SERINC3: variants seen among roughly 807,000 people sequenced by gnomAD.
The protein encoded by SERINC3 is serine incorporator 3.
In SERINC3, 22 loss-of-function variants were observed where a neutral mutation model predicts 52.1. The observed-to-expected ratio is 0.42, with a 90% CI of 0.30 to 0.60. SERINC3 has a LOEUF of 0.60. Ranked by LOEUF, SERINC3 falls within the 20% of genes least tolerant of loss-of-function variation. The pLI is 0.16. For synonymous variants in SERINC3, 226 were observed against 212.7 expected, an observed-to-expected ratio of 1.06 and a Z score of -0.54; for missense variants, 564 against 584.6, an observed-to-expected ratio of 0.96 and a Z score of 0.36.
At chr20:44,515,657 A>ATT (rs1323175146) in intron 1 of SERINC3, among the ~76,000 whole-genome samples, 14 of 142,882 alleles carry the variant, frequency 9.8e-5, no homozygotes, top group African/African-American at 3.1e-4. Flanking sequence ...ACGCTTTTTT[A>ATT]TTTTTTTTTT....
chr20:44,498,754 T>C lies in SERINC3; in HGVS notation c.*1542A>G, dbSNP rs749833207. On this transcript the variant is annotated 3_prime_UTR_variant, in exon 10 of 10. Transcript: ENST00000342374. Reference sequence around the variant, plus strand: ...CAGCCCAAGTGACTGAAGATAAAATTTGTTCATGACACTATGAATATGTTT... The same window carrying C: ...CAGCCCAAGTGACTGAAGATAAAATCTGTTCATGACACTATGAATATGTTT... 6 of 152,186 alleles carry C rather than the reference T, an allele frequency of 3.9e-5. No homozygotes were observed. The highest frequency in any genetic ancestry group is 8.8e-5 in the Non-Finnish European group (6 of 68,026). The allele number at this position is 152,186 out of a possible 1,614,324, so 9.4% of individuals were successfully genotyped here.
chr20:44,504,931 A>G (rs1423215534), intron 6 of SERINC3, 40 bp from the exon 7 acceptor site: 3 of 1,540,142 alleles, frequency 1.9e-6, no homozygotes, highest in Admixed American at 1.7e-5. Context: ...AGGGACTGCC[A>G]AGGGCTGACT....
intron 5 of SERINC3, among the ~76,000 whole-genome samples, chr20:44,507,447 C>T (rs1284996353): frequency 6.6e-6 from 1 of 152,210 alleles, no homozygotes; most frequent in Non-Finnish European, 1.5e-5. Flanking sequence ...TTTTCCTCTG[C>T]AGCCATTGGC....
chr20:44,504,071 C>A (rs2064296711), intron 7 of SERINC3, 76 bp from the exon 8 acceptor site: 1 of 1,222,408 alleles, frequency 8.2e-7, no homozygotes, highest in Non-Finnish European at 1.1e-6. Context: ...GAGTTCCCTA[C>A]ATATCATTCA....
intron 6 of SERINC3, among the ~76,000 whole-genome samples, chr20:44,506,350 T>C (rs998618447): frequency 2.7e-5 from 4 of 149,808 alleles, no homozygotes; most frequent in African/African-American, 2.5e-5. Flanking sequence ...TCCCAGCACC[T>C]TGGGAGGCCG....
Position 44,506,987 on chromosome 20 carries a change from GAC to G in SERINC3, c.621_622del (p.Ser208PhefsTer36), listed in dbSNP as rs1406072742. 7.5e-6 allele frequency: 12 copies of G among 1,598,406 alleles called. No homozygotes were observed. The Admixed American group carries it at 1.9e-4, about 26-fold the overall frequency. ...CAGGATATAAAAGGCGCTTGTGAAA[GAC>G]AGTAAAGCTGGAGAAAGGGAAACCA... On this transcript the variant is annotated frameshift_variant, in exon 6 of 10. Transcript: ENST00000342374. LOFTEE classifies it high-confidence loss of function.
chr20:44,502,580 CTCTT>C (rs2064286546), intron 8 of SERINC3, among the ~76,000 whole-genome samples: 1 of 133,084 alleles, frequency 7.5e-6, no homozygotes. Flanking sequence ...AACACTTCTT[CTCTT>C]CAAAAAAAAA....
At chr20:44,512,092 C>A (rs2064351087) in intron 3 of SERINC3, among the ~76,000 whole-genome samples, 1 of 152,122 alleles carries the variant, frequency 6.6e-6, no homozygotes, top group Admixed American at 6.6e-5. Context: ...GCGGGCGGAC[C>A]ACCTGAGGTC....
chr20:44,509,650 T>G (rs1166989628), intron 5 of SERINC3, among the ~76,000 whole-genome samples: 1 of 152,136 alleles, frequency 6.6e-6, no homozygotes, highest in Non-Finnish European at 1.5e-5. Flanking sequence ...TGCCTTAGCG[T>G]GCTGAGTAGC....
chr20:44,518,512 GA>G, intron 1 of SERINC3, among the ~76,000 whole-genome samples: 1 of 152,184 alleles, frequency 6.6e-6, no homozygotes, highest in Admixed American at 6.5e-5. Context: ...GCAGTTTTAA[GA>G]TCATGAAGAA....
intron 6 of SERINC3, among the ~76,000 whole-genome samples, chr20:44,506,349 C>T (rs202204833): frequency 6.7e-6 from 1 of 149,928 alleles, no homozygotes; most frequent in Non-Finnish European, 1.5e-5. Context: ...ATCCCAGCAC[C>T]TTGGGAGGCC....
rs1379045744 is a variant in SERINC3 at position 44,501,068 on chromosome 20, C to G, written c.1283+5G>C. ...TCTTCTGTCTGTTTTGTCTGTGTCT[C>G]CTACCTGTACCAGCTGGTCAGGGTC... On this transcript the variant is annotated splice_donor_5th_base_variant and intron_variant, in intron 9 of 9. Coordinates refer to ENST00000342374, the MANE Select transcript of SERINC3 (RefSeq NM_006811.4). 2 of 1,607,826 alleles carry G rather than the reference C, an allele frequency of 1.2e-6. No homozygotes were observed. Among genetic ancestry groups the G allele is most frequent in the Admixed American group, 3.3e-5 (2 of 60,004 alleles).
At chr20:44,505,730 A>G (rs1211577398) in intron 6 of SERINC3, among the ~76,000 whole-genome samples, 1 of 151,970 alleles carries the variant, frequency 6.6e-6, no homozygotes, top group Non-Finnish European at 1.5e-5. Flanking sequence ...CCTGCCAAGT[A>G]GCTGGGATTA....
chr20:44,518,156 C>T (rs755301854), intron 1 of SERINC3, among the ~76,000 whole-genome samples: 5 of 152,048 alleles, frequency 3.3e-5, no homozygotes, highest in South Asian at 2.1e-4. Flanking sequence ...ACAGCTGTAG[C>T]GACCCATTCA....
In SERINC3 at chr20:44,501,172, T is replaced by C; in HGVS notation, c.1184A>G (p.Asp395Gly). 1 of 1,614,196 alleles carries C rather than the reference T, an allele frequency of 6.2e-7. No individual in the cohort carries two copies. Among genetic ancestry groups the C allele is most frequent in the Non-Finnish European group, 8.5e-7 (1 of 1,180,030 alleles). Residue 395 changes from aspartate (D) to glycine (G), a missense_variant, in exon 9 of 10, where the codon GAC (aspartate) becomes GGC (glycine). Asp to Gly is a moderately conservative substitution (Grantham distance 94). Transcript: ENST00000342374. ...ATACTGCACTCCCTCTTTCTCGTTG[T>C]CCACAGCCCGCCGAGGCTGTCCATC... The part of the protein sequence containing the change: ...EEDGQPRRAV[D>G]NEKEGVQYSY...
chr20:44,520,986 A>G (rs1335564589), intron 1 of SERINC3, among the ~76,000 whole-genome samples: 1 of 152,170 alleles, frequency 6.6e-6, no homozygotes, highest in Non-Finnish European at 1.5e-5. Flanking sequence ...ATTTGATGCT[A>G]TCTCCAAGTA....
At position 44,503,941 on chromosome 20, in the gene SERINC3, G is replaced by T; in HGVS notation, c.929C>A (p.Thr310Asn). 1 of 1,606,590 alleles carries T rather than the reference G, an allele frequency of 6.2e-7. No individual in the cohort carries two copies. The highest frequency in any genetic ancestry group is 8.5e-7 in the Non-Finnish European group (1 of 1,177,814). The change falls in exon 8 of 10, where the codon ACC (threonine) becomes AAC (asparagine). Residue 310 changes from threonine to asparagine, a missense_variant. Transcript: ENST00000342374. ...MSFITRITAP[T>N]LAPGNSTAVV... ...AGCAGTTGAATTTCCAGGAGCCAGG[G>T]TTGGTGCAGTTATGCGTGTAATAAA...
chr20:44,513,251 C>T (rs1219569818), intron 2 of SERINC3, among the ~76,000 whole-genome samples: 1 of 151,968 alleles, frequency 6.6e-6, no homozygotes, highest in Non-Finnish European at 1.5e-5. Flanking sequence ...TTTGGGGGAC[C>T]GAGGTGGGTG....
intron 6 of SERINC3, among the ~76,000 whole-genome samples, chr20:44,505,389 G>A (rs1478699445): frequency 6.6e-6 from 1 of 151,562 alleles, no homozygotes; most frequent in Non-Finnish European, 1.5e-5. Context: ...GCAGTGGTGC[G>A]ATCTCAGCTC....
Sources: allele counts gnomAD v4.1 joint callset (sites outside exome capture counted in the v4.1 genomes callset), GRCh38; gene constraint gnomAD v4.1.1; transcripts MANE v1.5; gene names NCBI Gene and HGNC (gene_info 2026-07-23, HGNC 2026-07-21).